SAMD4A: variants seen among roughly 807,000 people sequenced by gnomAD.
SAMD4A encodes the protein sterile alpha motif domain containing 4A, also known as protein Smaug homolog 1.
Under a neutral mutation model 81.3 loss-of-function variants are expected in SAMD4A, and 33 were observed. That is an observed-to-expected ratio of 0.41 (90% confidence interval 0.31 to 0.54). The LOEUF (loss-of-function observed/expected upper bound fraction) is 0.54, where lower values mean the gene tolerates loss of function less well. SAMD4A is among the 20% of genes least tolerant of loss of function. The pLI is 0.37. For synonymous variants in SAMD4A, 389 were observed against 382.1 expected, an observed-to-expected ratio of 1.02 and a Z score of -0.21; for missense variants, 854 against 951.1, an observed-to-expected ratio of 0.90 and a Z score of 1.34.
At chr14:54,615,420 TC>T (rs1178122645) in intron 2 of SAMD4A, among the ~76,000 whole-genome samples, 1 of 152,246 alleles carries the variant, frequency 6.6e-6, no homozygotes, top group African/African-American at 2.4e-5. Context: ...AAATACATGT[TC>T]AGAGCACAGG....
At chr14:54,696,284 A>C (rs1594824692) in intron 2 of SAMD4A, among the ~76,000 whole-genome samples, 4 of 152,342 alleles carry the variant, frequency 2.6e-5, no homozygotes, top group African/African-American at 9.6e-5. Context: ...AAATAAATAC[A>C]TGGTGTGTGT....
chr14:54,728,540 GT>G (rs201045779), intron 3 of SAMD4A, among the ~76,000 whole-genome samples: 17 of 148,886 alleles, frequency 1.1e-4, no homozygotes, highest in Admixed American at 4.0e-4. Context: ...TCAAATTCTG[GT>G]TTTTTTTTTG....
In SAMD4A at chr14:54,742,699, CAACT is replaced by C. The variant is rs10553642; in HGVS notation, c.979+5413_979+5416del. 4.8e-3 allele frequency among the ~76,000 whole-genome samples: 736 copies of C among 152,268 alleles called. 9 individuals are homozygous for C. Among genetic ancestry groups the C allele is most frequent in the African/African-American group, 0.017 (706 of 41,556 alleles). Reference sequence around the variant, plus strand: ...CAGCCTCACTGTTACGAATCAACACCAACTGAGTATGCTTATGATGTTTGGCATT... The same window carrying C: ...CAGCCTCACTGTTACGAATCAACACCGAGTATGCTTATGATGTTTGGCATT... On this transcript the variant is annotated intron_variant, in intron 4 of 12. Coordinates refer to ENST00000554335, the MANE Select transcript of SAMD4A (RefSeq NM_015589.6).
intron 2 of SAMD4A, among the ~76,000 whole-genome samples, chr14:54,597,382 C>T (rs1294321114): frequency 2.6e-5 from 4 of 151,660 alleles, no homozygotes; most frequent in Non-Finnish European, 1.5e-5. Context: ...TCAAGTGATT[C>T]TCTTGCCTCA....
chr14:54,634,773 C>G (rs1377597432), intron 2 of SAMD4A, among the ~76,000 whole-genome samples: 1 of 152,066 alleles, frequency 6.6e-6, no homozygotes, highest in Non-Finnish European at 1.5e-5. Context: ...ATCTATCTAT[C>G]TATCTATCCA....
intron 2 of SAMD4A, among the ~76,000 whole-genome samples, chr14:54,589,140 T>G (rs1439782459): frequency 4.6e-5 from 7 of 152,222 alleles, no homozygotes; most frequent in Non-Finnish European, 7.3e-5. Flanking sequence ...TTTGGTCTAT[T>G]TTATTTCAAC....
chr14:54,724,016 G>GGAAGGAAGAAGGAAGGAAGGAA (rs778898142), intron 3 of SAMD4A, among the ~76,000 whole-genome samples: 2 of 145,648 alleles, frequency 1.4e-5, no homozygotes, highest in Non-Finnish European at 3.1e-5. Context: ...ATGGAAGGAA[G>GGAAGGAAGAAGGAAGGAAGGAA]GAAGGAAGGA....
At chr14:54,665,056 G>A (rs984487337) in intron 2 of SAMD4A, among the ~76,000 whole-genome samples, 12 of 152,034 alleles carry the variant, frequency 7.9e-5, no homozygotes, top group Admixed American at 5.9e-4. Flanking sequence ...TCTCTGTGTC[G>A]TGTCTAGATT....
intron 2 of SAMD4A, among the ~76,000 whole-genome samples, chr14:54,607,227 G>T (rs541055451): frequency 1.4e-5 from 2 of 147,242 alleles, no homozygotes; most frequent in Admixed American, 1.4e-4. Context: ...AGATGGGAAC[G>T]TAGCCCTCTG....
At chr14:54,750,158 G>A (rs183497013) in intron 5 of SAMD4A, among the ~76,000 whole-genome samples, 96 of 152,164 alleles carry the variant, frequency 6.3e-4, no homozygotes, top group African/African-American at 2.0e-3. Flanking sequence ...TCAGTTGTTC[G>A]ACTTGAGGAA....
chr14:54,695,016 C>T (rs139438775), intron 2 of SAMD4A: 6 of 611,538 alleles, frequency 9.8e-6, no homozygotes, highest in Non-Finnish European at 1.2e-5. Context: ...ATGACCAGCA[C>T]CTGATGACCT....
chr14:54,742,993 C>G (rs1232104254), intron 4 of SAMD4A, among the ~76,000 whole-genome samples: 1 of 152,148 alleles, frequency 6.6e-6, no homozygotes, highest in Non-Finnish European at 1.5e-5. Flanking sequence ...GTTTTCAGTT[C>G]TTTTTGAAAT....
chr14:54,784,215 C>T (rs965530022), intron 11 of SAMD4A: 47 of 705,988 alleles, frequency 6.7e-5, no homozygotes, highest in Middle Eastern at 3.4e-4. Flanking sequence ...CTGGATCATG[C>T]GGGGCCTTAT....
chr14:54,632,892 T>C (rs1451595490), intron 2 of SAMD4A, among the ~76,000 whole-genome samples: 1 of 152,254 alleles, frequency 6.6e-6, no homozygotes, highest in African/African-American at 2.4e-5. Context: ...TCACTATGTA[T>C]AGTAATTTAT....
rs1007664663 is a variant in SAMD4A, at chr14:54,610,418, C to G, written c.196+42306C>G. ...TCGTCCCAGAAAAGCGTTTTCTTTA[C>G]CAGAGACCTTACCAGCTAGCTCAGC... On this transcript the variant is annotated intron_variant, in intron 2 of 12. Transcript: ENST00000554335. Among the ~76,000 whole-genome samples the G allele has an allele frequency of 5.9e-4, 90 of 152,320 alleles. 1 individual carries two copies. Among genetic ancestry groups the G allele is most frequent in the African/African-American group, 2.1e-3 (87 of 41,570 alleles).
chr14:54,773,467 C>G (rs953235581), intron 9 of SAMD4A, among the ~76,000 whole-genome samples: 1 of 152,254 alleles, frequency 6.6e-6, no homozygotes, highest in Non-Finnish European at 1.5e-5. Context: ...ACAGCTGACT[C>G]TTCTTGGAAA....
chr14:54,741,467 A>G (rs1363876082), intron 4 of SAMD4A, among the ~76,000 whole-genome samples: 1 of 152,208 alleles, frequency 6.6e-6, no homozygotes, highest in African/African-American at 2.4e-5. Context: ...ACTCATTCAC[A>G]GGTTACTTTT....
At chr14:54,766,619 C>T (rs1013899246) in intron 8 of SAMD4A, among the ~76,000 whole-genome samples, 26 of 152,048 alleles carry the variant, frequency 1.7e-4, no homozygotes, top group African/African-American at 5.1e-4. Flanking sequence ...TGCAGGGCTC[C>T]GTGTTTTGTT....
chr14:54,761,153 G>C (rs538908815), intron 7 of SAMD4A, among the ~76,000 whole-genome samples: 51 of 152,312 alleles, frequency 3.3e-4, no homozygotes, highest in Non-Finnish European at 5.4e-4. Flanking sequence ...TTCCTCTATA[G>C]CAGACACAGT....
Sources: allele counts gnomAD v4.1 joint callset (sites outside exome capture counted in the v4.1 genomes callset), GRCh38; gene constraint gnomAD v4.1.1; transcripts MANE v1.5; gene names NCBI Gene and HGNC (gene_info 2026-07-23, HGNC 2026-07-21).